Variants in PXK observed in about 807,000 individuals in gnomAD.
The protein encoded by PXK is PX domain-containing protein kinase-like protein.
Under a neutral mutation model 84.7 loss-of-function variants are expected in PXK, and 35 were observed. The observed-to-expected ratio is 0.41, with a 90% CI of 0.32 to 0.55. The LOEUF is 0.55. PXK is among the 20% of genes least tolerant of loss of function. The pLI is 0.21. For missense variants in PXK, 634 were observed against 699.7 expected, an observed-to-expected ratio of 0.91 and a Z score of 1.06; for synonymous variants, 253 against 260.8, an observed-to-expected ratio of 0.97 and a Z score of 0.29.
At chr3:58,404,649 ATCTACGGAAAC>A (rs1408789401) in intron 13 of PXK, among the ~76,000 whole-genome samples, 1 of 152,212 alleles carries the variant, frequency 6.6e-6, no homozygotes. Context: ...AACTGAGGTC[ATCTACGGAAAC>A]TCCTTGTTCA....
intron 8 of PXK, 26 bp downstream of exon 8, chr3:58,395,128 A>G: frequency 6.5e-7 from 1 of 1,536,120 alleles, no homozygotes; most frequent in Non-Finnish European, 9.0e-7. Context: ...CATGGTCATA[A>G]GGAATTCTCA....
intron 1 of PXK, among the ~76,000 whole-genome samples, chr3:58,345,660 C>T (rs2097801819): frequency 2.0e-5 from 3 of 152,136 alleles, no homozygotes; most frequent in Admixed American, 2.0e-4. Context: ...ATGGTAAAAA[C>T]TGTGATAAAC....
intron 3 of PXK, among the ~76,000 whole-genome samples, chr3:58,374,336 A>T (rs1222068322): frequency 6.6e-6 from 1 of 151,736 alleles, no homozygotes; most frequent in Non-Finnish European, 1.5e-5. Flanking sequence ...ATGCCTGGCT[A>T]ATTTTTTTGT....
intron 4 of PXK, among the ~76,000 whole-genome samples, chr3:58,382,980 G>A (rs1006184124): frequency 6.6e-6 from 1 of 152,158 alleles, no homozygotes; most frequent in Non-Finnish European, 1.5e-5. Context: ...TGTCTTCCCT[G>A]ACAGAACAGA....
intron 3 of PXK, among the ~76,000 whole-genome samples, chr3:58,376,255 A>T (rs1055132220): frequency 1.3e-5 from 2 of 151,888 alleles, no homozygotes; most frequent in Non-Finnish European, 2.9e-5. Context: ...TCTCTACTAA[A>T]AATACAAAAA....
chr3:58,378,495 T>C (rs66804660), intron 3 of PXK, among the ~76,000 whole-genome samples: 45,393 of 77,374 alleles, frequency 0.59, 11,939 homozygotes, highest in Middle Eastern at 0.7. Flanking sequence ...TTTTCTTCTT[T>C]TTTTTTTTTT....
At chr3:58,423,840 C>A (rs961610011) in intron 17 of PXK, among the ~76,000 whole-genome samples, 1 of 152,184 alleles carries the variant, frequency 6.6e-6, no homozygotes, top group Admixed American at 6.6e-5. Flanking sequence ...GAGAACCATT[C>A]ATTGATTCTA....
chr3:58,415,592 A>T (rs886695280), intron 17 of PXK, among the ~76,000 whole-genome samples: 1 of 152,190 alleles, frequency 6.6e-6, no homozygotes, highest in Admixed American at 6.5e-5. Flanking sequence ...TTTTATGGAG[A>T]CGTCATTGGA....
rs1200797687 is a variant in PXK, at chr3:58,333,800, T to C, written c.102+710T>C. ...AGTAATAGGTCCTCATAGTAAACAT[T>C]GGCAGGGTTCATTTCTGCTACATAT... On this transcript the variant is annotated intron_variant, in intron 1 of 17. Coordinates refer to ENST00000356151, the MANE Select transcript of PXK (RefSeq NM_017771.5). This position sits in a 1 kb window ranked among gnomAD's most constrained non-coding sequence, Gnocchi z 5.4. Among the ~76,000 whole-genome samples the C allele has an allele frequency of 1.3e-5, 2 of 152,094 alleles. No individual in the cohort carries two copies. The highest frequency in any genetic ancestry group is 2.9e-5 in the Non-Finnish European group (2 of 68,016).
chr3:58,422,574 G>C, intron 17 of PXK: 3 of 985,266 alleles, frequency 3.0e-6, no homozygotes, highest in Non-Finnish European at 2.4e-6. Flanking sequence ...CCATTTACTT[G>C]GACAGTGGAA....
intron 16 of PXK, 134 bp downstream of exon 16, chr3:58,410,293 C>G (rs751089972): frequency 8.3e-5 from 50 of 602,618 alleles, no homozygotes; most frequent in Non-Finnish European, 1.3e-4. Flanking sequence ...AACAAAATAA[C>G]TCCGTCTCTA....
chr3:58,357,144 C>T (rs1168457291), intron 1 of PXK, among the ~76,000 whole-genome samples: 4 of 151,324 alleles, frequency 2.6e-5, no homozygotes, highest in African/African-American at 4.9e-5. Context: ...CCGGGCGTGG[C>T]GGCACACGCC....
chr3:58,350,431 A>T (rs2097900630), intron 1 of PXK, among the ~76,000 whole-genome samples: 1 of 151,882 alleles, frequency 6.6e-6, no homozygotes, highest in Non-Finnish European at 1.5e-5. Context: ...TCTGCCCTTC[A>T]CCCTGTCAGC....
At chr3:58,360,025 G>A (rs1300024508) in intron 1 of PXK, among the ~76,000 whole-genome samples, 1 of 152,002 alleles carries the variant, frequency 6.6e-6, no homozygotes, top group Non-Finnish European at 1.5e-5. Flanking sequence ...GAGCGCACCT[G>A]TAGTCCTAGC....
At chr3:58,415,537 A>G (rs900900474) in intron 17 of PXK, among the ~76,000 whole-genome samples, 1 of 152,240 alleles carries the variant, frequency 6.6e-6, no homozygotes, top group Non-Finnish European at 1.5e-5. Context: ...GAACCTCCGC[A>G]TGTTCAGCTA....
Position 58,390,492 on chromosome 3 carries a change from T to C in PXK, c.389-90T>C. ...TAAGTTTTTTAAAAAGGTCATAGACTATAGGGATTTCATTTACAAGAATAA... is the reference window on the plus strand; with the variant it reads ...TAAGTTTTTTAAAAAGGTCATAGACCATAGGGATTTCATTTACAAGAATAA... On this transcript the variant is annotated intron_variant, in intron 4 of 17. Transcript: ENST00000356151. This position sits in a 1 kb window ranked among gnomAD's most constrained non-coding sequence, Gnocchi z 4.2. The C allele has an allele frequency of 1.1e-6, 1 of 885,308 alleles. No homozygotes were observed. 54.8% of individuals were successfully genotyped at this position (885,308 alleles called of 1,614,324 possible).
chr3:58,413,918 C>A (rs180868926), intron 17 of PXK: 2 of 152,338 alleles, frequency 1.3e-5, no homozygotes, highest in Non-Finnish European at 2.9e-5. Flanking sequence ...CTAACTGACC[C>A]TCCTAAGAAA....
Position 58,425,005 on chromosome 3 carries a change from A to G in PXK, c.*45A>G. On this transcript the variant is annotated 3_prime_UTR_variant, in exon 18 of 18. Transcript: ENST00000356151. ...GAGGGAAAAGTTCTTTTTTATTCCT[A>G]CTCACCCCTACCCCCCAAACTACCC... 1.2e-6 allele frequency: 2 copies of G among 1,601,476 alleles called. No homozygotes were observed. Among genetic ancestry groups the G allele is most frequent in the Non-Finnish European group, 1.7e-6 (2 of 1,173,748 alleles).
At chr3:58,406,545 G>A (rs1411170740) in intron 13 of PXK, among the ~76,000 whole-genome samples, 1 of 152,162 alleles carries the variant, frequency 6.6e-6, no homozygotes, top group Non-Finnish European at 1.5e-5. Context: ...TTACAGGTGT[G>A]AGCCACTGTG....
Sources: gnomAD v4.1 joint callset for allele counts (sites outside exome capture counted in the v4.1 genomes callset) on GRCh38, gnomAD v4.1.1 for gene constraint, Gnocchi (gnomAD v3.1) non-coding constraint, MANE v1.5 for transcripts, NCBI Gene and HGNC (gene_info 2026-07-23, HGNC 2026-07-21) for gene names.